Variants in GPC6 observed in about 807,000 individuals in gnomAD.
The protein encoded by GPC6 is glypican-6.
GPC6 carries 14 observed loss-of-function variants against 55.2 expected under a neutral mutation model. The observed-to-expected ratio is 0.25, with a 90% CI of 0.17 to 0.40. The LOEUF (loss-of-function observed/expected upper bound fraction) is 0.40. GPC6 is among the 10% of genes least tolerant of loss of function. The probability of loss-of-function intolerance (pLI) is 1.00; values close to 1 mark genes in which losing one functional copy is unlikely to be tolerated. For missense variants in GPC6, 641 were observed against 708.5 expected (o/e 0.90, Z 1.08); for synonymous variants, 278 against 259.6 (o/e 1.07, Z -0.68).
At chr13:93,886,179 T>C (rs939619216) in intron 3 of GPC6, among the ~76,000 whole-genome samples, 16 of 152,116 alleles carry the variant, frequency 1.1e-4, no homozygotes, top group Admixed American at 1.1e-3. Context: ...CACATTTTAT[T>C]ATGAAAGTTT....
chr13:94,213,866 G>A (rs1172651671), intron 4 of GPC6, among the ~76,000 whole-genome samples: 1 of 152,148 alleles, frequency 6.6e-6, no homozygotes. Flanking sequence ...AAGGATCATG[G>A]TACAGTGAGG....
At chr13:93,859,018 A>T (rs1328796916) in intron 3 of GPC6, among the ~76,000 whole-genome samples, 1 of 151,532 alleles carries the variant, frequency 6.6e-6, no homozygotes. Context: ...GCAGAGAAAA[A>T]TTTCTAATGA....
chr13:94,034,582 C>T (rs1048848848), intron 4 of GPC6, among the ~76,000 whole-genome samples: 1 of 152,030 alleles, frequency 6.6e-6, no homozygotes, highest in Admixed American at 6.6e-5. Flanking sequence ...CCTAAAATTG[C>T]TGGATACAAT....
At chr13:93,289,903 G>T (rs1878262960) in intron 1 of GPC6, among the ~76,000 whole-genome samples, 1 of 152,098 alleles carries the variant, frequency 6.6e-6, no homozygotes, top group South Asian at 2.1e-4. Flanking sequence ...TGGAAAAATA[G>T]CTCCTCTTTT....
At chr13:94,263,468 G>T (rs1257855343) in intron 4 of GPC6, among the ~76,000 whole-genome samples, 1 of 152,154 alleles carries the variant, frequency 6.6e-6, no homozygotes, top group African/African-American at 2.4e-5. Context: ...GATCATGATG[G>T]TTTTTATACC....
chr13:94,072,927 G>A (rs970633800), intron 4 of GPC6, among the ~76,000 whole-genome samples: 7 of 152,184 alleles, frequency 4.6e-5, no homozygotes, highest in African/African-American at 1.4e-4. Flanking sequence ...GGTGAATAAG[G>A]TCAGGAGAGT....
intron 4 of GPC6, among the ~76,000 whole-genome samples, chr13:94,229,105 C>A (rs1212423406): frequency 3.3e-5 from 5 of 152,178 alleles, no homozygotes; most frequent in African/African-American, 1.2e-4. Context: ...AATGAAGATT[C>A]ATGCTGACAT....
chr13:93,626,056 TAAG>T (rs1232987100), intron 2 of GPC6, among the ~76,000 whole-genome samples: 1 of 152,158 alleles, frequency 6.6e-6, no homozygotes, highest in African/African-American at 2.4e-5. Flanking sequence ...TTGAGCGTAA[TAAG>T]AAGTTTGAGT....
At chr13:94,214,278 G>A (rs1320513013) in intron 4 of GPC6, among the ~76,000 whole-genome samples, 2 of 152,146 alleles carry the variant, frequency 1.3e-5, no homozygotes, top group African/African-American at 4.8e-5. Flanking sequence ...CTCTCACCAA[G>A]GGATGTTCGT....
intron 3 of GPC6, among the ~76,000 whole-genome samples, chr13:93,930,877 G>C (rs529313904): frequency 1.3e-5 from 2 of 152,278 alleles, no homozygotes; most frequent in African/African-American, 4.8e-5. Context: ...GAAGCATGAT[G>C]CTGGCATCTA....
At chr13:93,580,047 A>G (rs1196364410) in intron 2 of GPC6, among the ~76,000 whole-genome samples, 1 of 152,178 alleles carries the variant, frequency 6.6e-6, no homozygotes, top group East Asian at 1.9e-4. Flanking sequence ...TGCTATAACA[A>G]AGTACCATAG....
intron 2 of GPC6, among the ~76,000 whole-genome samples, chr13:93,636,129 G>A (rs1236823171): frequency 6.6e-6 from 1 of 152,158 alleles, no homozygotes; most frequent in Admixed American, 6.6e-5. Context: ...AGCTGGAAAA[G>A]TGTTGTAAAG....
At chr13:93,330,563 C>T (rs1345895234) in intron 1 of GPC6, among the ~76,000 whole-genome samples, 3 of 152,036 alleles carry the variant, frequency 2.0e-5, no homozygotes, top group African/African-American at 4.8e-5. Context: ...ACAAATGCTC[C>T]CTATGAGGCT....
chr13:94,100,858 A>C (rs1211204806), intron 4 of GPC6, among the ~76,000 whole-genome samples: 3 of 152,238 alleles, frequency 2.0e-5, no homozygotes, highest in Admixed American at 6.5e-5. Flanking sequence ...CTTAGTCCTC[A>C]GAGTATTTCT....
intron 2 of GPC6, among the ~76,000 whole-genome samples, chr13:93,606,188 T>C (rs946104859): frequency 6.6e-6 from 1 of 152,164 alleles, no homozygotes; most frequent in Admixed American, 6.5e-5. Flanking sequence ...AAGGGGAATA[T>C]CAATAAAATG....
intron 1 of GPC6, among the ~76,000 whole-genome samples, chr13:93,338,450 T>C (rs549627494): frequency 2.6e-5 from 4 of 152,148 alleles, no homozygotes; most frequent in African/African-American, 7.2e-5. Context: ...TACAGGTATC[T>C]CTGACCCATT....
intron 6 of GPC6, among the ~76,000 whole-genome samples, chr13:94,349,441 C>A (rs1476309794): frequency 6.6e-6 from 1 of 152,156 alleles, no homozygotes; most frequent in Non-Finnish European, 1.5e-5. Flanking sequence ...CAGAAACATC[C>A]ATCTCATCAC....
intron 2 of GPC6, among the ~76,000 whole-genome samples, chr13:93,730,446 T>A (rs1170308272): frequency 6.6e-6 from 1 of 152,246 alleles, no homozygotes; most frequent in African/African-American, 2.4e-5. Flanking sequence ...TGTTGCTGTT[T>A]CATTGCATAT....
At chr13:93,440,977 G>A (rs1205405958) in intron 1 of GPC6, among the ~76,000 whole-genome samples, 1 of 152,026 alleles carries the variant, frequency 6.6e-6, no homozygotes, top group East Asian at 1.9e-4. Flanking sequence ...AGTTTGCTGA[G>A]AATGATGGTT....
Sources: allele counts gnomAD v4.1 joint callset (sites outside exome capture counted in the v4.1 genomes callset), GRCh38; gene constraint gnomAD v4.1.1; transcripts MANE v1.5; gene names NCBI Gene and HGNC (gene_info 2026-07-23, HGNC 2026-07-21).